The following CTU2 variants were observed in gnomAD, a reference collection of about 807,000 sequenced individuals.
CTU2 encodes cytosolic thiouridylase subunit 2.
CTU2 carries 80 observed loss-of-function variants against 64.1 expected under a neutral mutation model. The ratio of observed to expected loss-of-function variants is 1.25; its 90% CI spans 1.04 to 1.50. CTU2 has a LOEUF of 1.50. Ranked by LOEUF, CTU2 falls within the 40% of genes most tolerant of loss-of-function variation. CTU2 has a pLI of 0.00. For synonymous variants in CTU2, 482 were observed against 285.3 expected, an observed-to-expected ratio of 1.69 and a Z score of -6.95; for missense variants, 1,110 against 690.2, an observed-to-expected ratio of 1.61 and a Z score of -6.81.
chr16:88,710,578 C>G (rs1405006805), intron 4 of CTU2: 6 of 425,654 alleles, frequency 1.4e-5, no homozygotes, highest in Non-Finnish European at 2.6e-5. Flanking sequence ...AGCAGGTGCA[C>G]AAATCAGAAG....
At position 88,714,720 on chromosome 16, in the gene CTU2, C is replaced by T. The variant is rs1567653539; in HGVS notation, c.1335C>T (p.Gly445=). 6.2e-7 allele frequency: 1 copy of T among 1,608,012 alleles called. No individual in the cohort carries two copies. Residue 445 remains glycine, a synonymous_variant, in exon 12 of 15, where the codon GGC becomes GGT. Transcript: ENST00000453996. Reference sequence around the variant, plus strand: ...GGGTGGGCTGGGCCCAGCGCTGTGGCCAGGGGGCCTGCAGGAGGTGAGTCC... The same window carrying T: ...GGGTGGGCTGGGCCCAGCGCTGTGGTCAGGGGGCCTGCAGGAGGTGAGTCC... ...SPGVGWAQRC[G]QGACRREDPQ...
rs779132310 is a variant in CTU2 at position 88,713,774 on chromosome 16, C to G, written c.1001C>G (p.Thr334Ser). ...VPSVFTPAVD[T>S]KAPEKASIHR... The stretch of plus-strand genomic sequence containing the variant: ...TCTGTCTTCACACCAGCCGTCGACA[C>G]CAAGGTGGGCCTTGTGGGCTGGGCA... The change falls in exon 9 of 15, where the codon ACC becomes AGC. Residue 334 changes from threonine (T) to serine (S), a missense_variant. Thr to Ser is a moderately conservative substitution (Grantham distance 58). Transcript: ENST00000453996. The G allele has an allele frequency of 1.9e-6, 3 of 1,612,628 alleles. No homozygotes were observed. The highest frequency in any genetic ancestry group is 2.2e-5 in the South Asian group (2 of 91,076).
rs763427311 is a variant in CTU2 at position 88,712,261 on chromosome 16, C to T, written c.344-13C>T. ...CTCTCTGAGCCCTGACTCTTTCTGC[C>T]TGGGTTTTTCAGAGGGAGCAGCCTG... On this transcript the variant is annotated splice_polypyrimidine_tract_variant and intron_variant, in intron 5 of 14. Coordinates refer to ENST00000453996, the MANE Select transcript of CTU2 (RefSeq NM_001012759.3). The T allele has an allele frequency of 1.9e-6, 3 of 1,584,844 alleles. No individual in the cohort carries two copies. The highest frequency in any genetic ancestry group is 1.7e-6 in the Non-Finnish European group (2 of 1,164,686).
chr16:88,707,343 C>G (rs1419070113), intron 2 of CTU2, 133 bp downstream of exon 2: 1 of 850,080 alleles, frequency 1.2e-6, no homozygotes, highest in African/African-American at 1.7e-5. Flanking sequence ...GATGGGGTCC[C>G]TCGTGCCCCT....
In CTU2 at chr16:88,712,838, G is replaced by T. The variant is rs772759832; in HGVS notation, c.670G>T (p.Ala224Ser). 80 of 1,588,378 alleles carry T rather than the reference G, an allele frequency of 5.0e-5. 1 individual carries two copies. The South Asian group carries it at 8.7e-4, about 17-fold the overall frequency. ...ACCGCCTGCCCCTGCCCAGACTGAG[G>T]CTCTTTCCCAACTGTTCTGCTCAGT... Reference protein sequence around the residue: ...ARPPAPAQTEALSQLFCSVRT... With the variant: ...ARPPAPAQTESLSQLFCSVRT... Residue 224 changes from alanine (A) to serine (S), a missense_variant, in exon 7 of 15, where the codon GCT becomes TCT. Transcript: ENST00000453996.
chr16:88,710,655 G>A, intron 4 of CTU2: 2 of 239,864 alleles, frequency 8.3e-6, no homozygotes, highest in South Asian at 6.2e-5. Context: ...CCAATCAGAA[G>A]CTGGGTCCAG....
In CTU2 at chr16:88,714,866, C is replaced by G. The variant is rs201788825; in HGVS notation, c.1359C>G (p.Asp453Glu). 9 of 1,612,460 alleles carry G rather than the reference C, an allele frequency of 5.6e-6. No homozygotes were observed. Among genetic ancestry groups the G allele is most frequent in the Non-Finnish European group, 7.6e-6 (9 of 1,179,868 alleles). ...GCCAGCTCTGCTCCCGCAGGGAGGA[C>G]CCCCAAGCCTGCATTGAGGAGCAGC... ...RCGQGACRRE[D>E]PQACIEEQLC... Residue 453 changes from aspartate to glutamate, a missense_variant, in exon 13 of 15, where the codon GAC (aspartate) becomes GAG (glutamate). By Grantham distance (45) the Asp-to-Glu change is conservative. Coordinates refer to ENST00000453996, the MANE Select transcript of CTU2 (RefSeq NM_001012759.3).
rs370627694 is a variant in CTU2 at position 88,715,176 on chromosome 16, C to G, written c.1479-6C>G. On this transcript the variant is annotated splice_region_variant and splice_polypyrimidine_tract_variant and intron_variant, in intron 14 of 14. Coordinates refer to ENST00000453996, the MANE Select transcript of CTU2 (RefSeq NM_001012759.3). Reference sequence around the variant, plus strand: ...GGGCTGGTGCCCACTGCAGCTTTCTCTCTAGGGCCTGGGGCTTGCAGGAGA... The same window carrying G: ...GGGCTGGTGCCCACTGCAGCTTTCTGTCTAGGGCCTGGGGCTTGCAGGAGA... 19 of 1,611,868 alleles carry G rather than the reference C, an allele frequency of 1.2e-5. No homozygotes were observed. Among genetic ancestry groups the G allele is most frequent in the Middle Eastern group, 1.6e-4 (1 of 6,082 alleles).
intron 2 of CTU2, 81 bp from the exon 3 acceptor site, chr16:88,709,857 C>G (rs576414049): frequency 1.1e-5 from 13 of 1,134,124 alleles, no homozygotes; most frequent in South Asian, 2.5e-5. Context: ...TGGCAAAGGA[C>G]GTCGTCACCT....
chr16:88,712,419 T>A lies in CTU2; in HGVS notation c.453+36T>A, dbSNP rs369323462. On this transcript the variant is annotated intron_variant, in intron 6 of 14. Coordinates refer to ENST00000453996, the MANE Select transcript of CTU2 (RefSeq NM_001012759.3). ...TGTCCCTGGAAAGGGGTCCCGGAGG[T>A]GACCCCTGGGGGGCACCTGCCCGTG... 1.1e-5 allele frequency: 17 copies of A among 1,531,062 alleles called. No homozygotes were observed. In the African/African-American group the frequency reaches 2.2e-4, roughly 20 times the overall value. The allele number at this position is 1,531,062 out of a possible 1,614,324, so 94.8% of individuals were successfully genotyped here. A position where few individuals can be genotyped will look rare whatever the true frequency, so the allele number is the denominator to read the frequency against.
At chr16:88,708,792 G>C (rs1036256948) in intron 2 of CTU2, among the ~76,000 whole-genome samples, 1 of 152,132 alleles carries the variant, frequency 6.6e-6, no homozygotes, top group African/African-American at 2.4e-5. Context: ...CAGTGGCATT[G>C]TCCGCTCTGT....
Position 88,714,996 on chromosome 16 carries a change from T to G in CTU2, c.1420-52T>G, listed in dbSNP as rs1238038505. ...GAAGGCCGTCACCTCGTGGGTGGCT[T>G]GAGGGGGTGCTGGCAGGTTTCTTGG... is the stretch of plus-strand genomic sequence containing the variant. On this transcript the variant is annotated intron_variant, in intron 13 of 14. Coordinates refer to ENST00000453996, the MANE Select transcript of CTU2 (RefSeq NM_001012759.3). 27 of 1,596,534 alleles carry G rather than the reference T, an allele frequency of 1.7e-5. No individual in the cohort carries two copies. The African/African-American group carries it at 2.7e-4, about 16-fold the overall frequency.
intron 4 of CTU2, 66 bp downstream of exon 4, chr16:88,710,348 T>G: frequency 6.4e-7 from 1 of 1,552,656 alleles, no homozygotes; most frequent in South Asian, 1.1e-5. Context: ...GCCTCCCTTC[T>G]CAGCCTGCTG....
At position 88,710,254 on chromosome 16, in the gene CTU2, C is replaced by G; in HGVS notation, c.254C>G (p.Ser85Cys). Residue 85 changes from serine to cysteine, a missense_variant, in exon 4 of 15, where the codon TCC becomes TGC. Coordinates refer to ENST00000453996, the MANE Select transcript of CTU2 (RefSeq NM_001012759.3). ...VLLAWSGGPSSSSMVWQVLEG... is the reference protein window; with the variant it reads ...VLLAWSGGPSCSSMVWQVLEG... ...TTGGCGTGGTCTGGGGGGCCTTCGT[C>G]CAGCTCCATGGTCTGGCAGGTTCTT... 6.2e-7 allele frequency: 1 copy of G among 1,614,096 alleles called. No individual in the cohort carries two copies. Among genetic ancestry groups the G allele is most frequent in the Non-Finnish European group, 8.5e-7 (1 of 1,180,004 alleles).
At chr16:88,713,889 G>A in intron 9 of CTU2, 111 bp downstream of exon 9, 2 of 1,443,720 alleles carry the variant, frequency 1.4e-6, no homozygotes, top group Middle Eastern at 1.8e-4. Context: ...AGTGACTCCT[G>A]CTGTGGCCCC....
chr16:88,713,875 C>T, intron 9 of CTU2, 97 bp downstream of exon 9: 2 of 1,484,272 alleles, frequency 1.3e-6, no homozygotes, highest in Non-Finnish European at 1.9e-6. Context: ...ACCAGCACAC[C>T]TTCAGTGACT....
At chr16:88,714,341 A>G in intron 10 of CTU2, 42 bp from the exon 11 acceptor site, 2 of 1,608,326 alleles carry the variant, frequency 1.2e-6, no homozygotes, top group Non-Finnish European at 1.7e-6. Flanking sequence ...GTGGAGCCCC[A>G]GCCCGTGTGA....
At chr16:88,709,892 C>A in intron 2 of CTU2, 46 bp from the exon 3 acceptor site, 1 of 1,563,636 alleles carries the variant, frequency 6.4e-7, no homozygotes, top group Non-Finnish European at 8.8e-7. Flanking sequence ...ACGCTGCTCA[C>A]TGTGCGGGTA....
chr16:88,708,230 G>A (rs931417213), intron 2 of CTU2, among the ~76,000 whole-genome samples: 3 of 152,214 alleles, frequency 2.0e-5, no homozygotes, highest in South Asian at 2.1e-4. Context: ...CTTGTGGCCA[G>A]AAGGGCTTTT....
Sources: allele counts gnomAD v4.1 joint callset (sites outside exome capture counted in the v4.1 genomes callset), GRCh38; gene constraint gnomAD v4.1.1; transcripts MANE v1.5; gene names NCBI Gene and HGNC (gene_info 2026-07-23, HGNC 2026-07-21).